Variants in ARRDC5 observed in about 807,000 individuals in gnomAD.
ARRDC5 encodes arrestin domain-containing protein 5.
In ARRDC5, 12 loss-of-function variants were observed where a neutral mutation model predicts 13.3. That is an observed-to-expected ratio of 0.90 (90% CI 0.58 to 1.46). ARRDC5 has a LOEUF of 1.46. Among genes scored for constraint, ARRDC5 ranks in the 40% most tolerant of loss-of-function variants. The pLI, the probability that ARRDC5 is intolerant of heterozygous loss-of-function variation, is 0.00. For missense variants in ARRDC5, 406 were observed against 418.7 expected, an observed-to-expected ratio of 0.97 and a Z score of 0.26; for synonymous variants, 181 against 173.4, an observed-to-expected ratio of 1.04 and a Z score of -0.34.
chr19:4,916,560 C>T, the ARRDC5 span, among the ~76,000 whole-genome samples: 1 of 152,128 alleles, frequency 6.6e-6, no homozygotes, highest in Non-Finnish European at 1.5e-5. Flanking sequence ...GGTGACCCGG[C>T]CGGGTCGAAG....
the ARRDC5 span, among the ~76,000 whole-genome samples, chr19:4,916,461 A>G: frequency 6.6e-6 from 1 of 152,100 alleles, no homozygotes; most frequent in Non-Finnish European, 1.5e-5. Flanking sequence ...CAAGAGGGAA[A>G]GTGGCAGCGA....
At chr19:4,909,424 A>T in the ARRDC5 span, 8 of 651,376 alleles carry the variant, frequency 1.2e-5, no homozygotes, top group Non-Finnish European at 2.2e-5. Flanking sequence ...GCCAATCAGG[A>T]GGCAGGCGCC....
intron 2 of ARRDC5, among the ~76,000 whole-genome samples, chr19:4,896,313 C>CAA (rs559677827): frequency 0.013 from 678 of 54,050 alleles, 15 homozygotes; most frequent in African/African-American, 0.015. Flanking sequence ...GACTGCATCT[C>CAA]AAAAAAAAAA....
At chr19:4,896,950 T>G (rs1310588736) in intron 1 of ARRDC5, 74 bp from the exon 2 acceptor site, 49 of 1,004,438 alleles carry the variant, frequency 4.9e-5, no homozygotes. Flanking sequence ...TTTTTTTTGC[T>G]TTATTTTTAT....
At chr19:4,894,543 G>C (rs1416089756) in intron 2 of ARRDC5, among the ~76,000 whole-genome samples, 1 of 135,140 alleles carries the variant, frequency 7.4e-6, no homozygotes, top group Non-Finnish European at 1.6e-5. Flanking sequence ...AATTAGCCGG[G>C]CATGGTGGTG....
chr19:4,910,920 A>C, the ARRDC5 span: 1 of 1,613,434 alleles, frequency 6.2e-7, no homozygotes, highest in Non-Finnish European at 8.5e-7. Context: ...GACGGGAGGC[A>C]GACCCACACG....
the ARRDC5 span, chr19:4,911,008 C>A: frequency 2.5e-6 from 4 of 1,610,100 alleles, no homozygotes; most frequent in Admixed American, 1.7e-5. Context: ...TGGAGCCAGG[C>A]CTGCAGAGGC....
the ARRDC5 span, chr19:4,909,556 C>T: frequency 4.6e-6 from 3 of 658,260 alleles, no homozygotes; most frequent in Middle Eastern, 2.4e-4. Context: ...CCGGGTCGCA[C>T]GCAAGTCCGC....
the ARRDC5 span, chr19:4,910,319 G>C: frequency 6.7e-6 from 1 of 150,264 alleles, no homozygotes; most frequent in South Asian, 2.1e-4. Flanking sequence ...CCGCGGGGCG[G>C]GCCCGGTCGC....
intron 2 of ARRDC5, among the ~76,000 whole-genome samples, chr19:4,896,156 A>C (rs1439836806): frequency 6.6e-6 from 1 of 151,746 alleles, no homozygotes; most frequent in African/African-American, 2.4e-5. Flanking sequence ...CTCTACTAAA[A>C]ATACAAAAAT....
the ARRDC5 span, among the ~76,000 whole-genome samples, chr19:4,914,191 CA>C: frequency 6.6e-6 from 1 of 152,048 alleles, no homozygotes; most frequent in South Asian, 2.1e-4. Flanking sequence ...AGAGGTGATG[CA>C]GTTTCCCCAC....
At chr19:4,912,494 C>T in the ARRDC5 span, among the ~76,000 whole-genome samples, 10 of 152,214 alleles carry the variant, frequency 6.6e-5, no homozygotes, top group East Asian at 1.2e-3. Context: ...TGCCAGCCAC[C>T]GAGCTAGCAT....
At chr19:4,894,149 G>A (rs575192696) in intron 2 of ARRDC5, among the ~76,000 whole-genome samples, 1 of 151,960 alleles carries the variant, frequency 6.6e-6, no homozygotes, top group Non-Finnish European at 1.5e-5. Context: ...GGCTGATGCG[G>A]GTGGATCACG....
At chr19:4,901,741 C>T (rs2031922719) in intron 1 of ARRDC5, among the ~76,000 whole-genome samples, 1 of 152,070 alleles carries the variant, frequency 6.6e-6, no homozygotes, top group African/African-American at 2.4e-5. Context: ...CTGGGAATAT[C>T]CCCACAAACA....
At chr19:4,911,741 G>C in the ARRDC5 span, among the ~76,000 whole-genome samples, 1 of 152,184 alleles carries the variant, frequency 6.6e-6, no homozygotes, top group Non-Finnish European at 1.5e-5. Flanking sequence ...GGGGGTGGAG[G>C]TGCTACTTTG....
intron 1 of ARRDC5, among the ~76,000 whole-genome samples, chr19:4,900,170 C>T (rs1469898470): frequency 9.8e-6 from 1 of 101,864 alleles, no homozygotes; most frequent in Admixed American, 1.3e-4. Context: ...TTTTTTGAGA[C>T]GGAGTCTCGC....
At chr19:4,914,319 C>T in the ARRDC5 span, among the ~76,000 whole-genome samples, 427 of 152,216 alleles carry the variant, frequency 2.8e-3, 3 homozygotes, top group Admixed American at 6.9e-3. Flanking sequence ...CCCAGGCTAA[C>T]GTGATAGAAA....
the ARRDC5 span, among the ~76,000 whole-genome samples, chr19:4,913,194 T>G: frequency 6.6e-6 from 1 of 151,728 alleles, no homozygotes; most frequent in Non-Finnish European, 1.5e-5. Flanking sequence ...CTGTCACATT[T>G]CTAAGTTTAG....
the ARRDC5 span, chr19:4,910,807 CCT>C: frequency 1.3e-6 from 2 of 1,513,486 alleles, no homozygotes; most frequent in Non-Finnish European, 1.8e-6. Context: ...AACCCCGACT[CCT>C]TAGAGCATGG....
Sources: gnomAD v4.1 joint callset for allele counts (sites outside exome capture counted in the v4.1 genomes callset) on GRCh38, gnomAD v4.1.1 for gene constraint, MANE v1.5 for transcripts, NCBI Gene and HGNC (gene_info 2026-07-23, HGNC 2026-07-21) for gene names.